Variants in USP32 observed in about 807,000 individuals in gnomAD.
USP32 encodes the protein ubiquitin specific peptidase 32.
A neutral mutation model predicts 204.8 loss-of-function variants in USP32; 59 were observed. The observed-to-expected ratio is 0.29, with a 90% CI of 0.23 to 0.36. The LOEUF (loss-of-function observed/expected upper bound fraction) is 0.36. Ranked by LOEUF, USP32 falls within the 10% of genes least tolerant of loss-of-function variation. The pLI, the probability that USP32 is intolerant of heterozygous loss-of-function variation, is 1.00. For missense variants in USP32, 1,160 were observed against 1,946.4 expected (o/e 0.60, Z 7.60); for synonymous variants, 517 against 678.4 (o/e 0.76, Z 3.70).
chr17:60,407,927 G>A (rs140902555), intron 1 of USP32, among the ~76,000 whole-genome samples: 2,060 of 151,778 alleles, frequency 0.014, 40 homozygotes, highest in African/African-American at 0.046. Context: ...GTGAAACCTC[G>A]TCTCTACTAA....
intron 1 of USP32, among the ~76,000 whole-genome samples, chr17:60,374,786 T>C (rs1463037318): frequency 6.6e-6 from 1 of 152,222 alleles, no homozygotes; most frequent in Non-Finnish European, 1.5e-5. Flanking sequence ...ATGGCTACGA[T>C]GTCACTAGGC....
At chr17:60,369,010 T>TTTTTTTTTTTTTTTTTTC (rs2089378776) in intron 1 of USP32, among the ~76,000 whole-genome samples, 1 of 135,844 alleles carries the variant, frequency 7.4e-6, no homozygotes, top group African/African-American at 3.5e-5. Context: ...TTTTTTTTTT[T>TTTTTTTTTTTTTTTTTTC]TTGAGACGGA....
At chr17:60,422,387 G>C in exon 1 of USP32, 2 of 1,326,454 alleles carry the variant, frequency 1.5e-6, no homozygotes, top group Non-Finnish European at 2.0e-6. Context: ...CCAGCTGGAG[G>C]GGCCAGCTGC....
rs570418051 is a variant in USP32, at chr17:60,229,980, AT to A, written c.1240-3750del. ...AGGCACGCACCACTGCGCCTGGCTA[AT>A]TTTTGTATTTCTGGTGGAGACAGGG... On this transcript the variant is annotated intron_variant, in intron 12 of 33. Transcript: ENST00000300896. Among the ~76,000 whole-genome samples the A allele has an allele frequency of 2.0e-3, 310 of 152,096 alleles. 1 individual carries two copies. Among genetic ancestry groups the A allele is most frequent in the African/African-American group, 7.0e-3 (291 of 41,484 alleles).
chr17:60,389,079 C>T (rs992680884), intron 1 of USP32, among the ~76,000 whole-genome samples: 1 of 152,154 alleles, frequency 6.6e-6, no homozygotes, highest in African/African-American at 2.4e-5. Flanking sequence ...TTTTGTCAAG[C>T]TTGTTTTGCA....
At position 60,392,091 on chromosome 17, in the gene USP32, C is replaced by A. The variant is rs1339387503; in HGVS notation, c.-152G>T. On this transcript the variant is annotated 5_prime_UTR_variant, in exon 1 of 34. Coordinates refer to ENST00000300896, the MANE Select transcript of USP32 (RefSeq NM_032582.4). The stretch of plus-strand genomic sequence containing the variant: ...CTAACAAGTGCGGCTTCTGCCCCGG[C>A]GGCTCCTCCCGGTCGCCGCCACCGC... 2.4e-5 allele frequency: 19 copies of A among 792,558 alleles called. No homozygotes were observed. Among genetic ancestry groups the A allele is most frequent in the Non-Finnish European group, 3.6e-5 (19 of 524,748 alleles). 49.1% of individuals were successfully genotyped at this position (792,558 alleles called of 1,614,324 possible). A position where few individuals can be genotyped will look rare whatever the true frequency, so the allele number is the denominator to read the frequency against.
In USP32 at chr17:60,211,036, T is replaced by G; in HGVS notation, c.2401A>C (p.Asn801His). 1.2e-6 allele frequency: 2 copies of G among 1,611,324 alleles called. No individual in the cohort carries two copies. Among genetic ancestry groups the G allele is most frequent in the East Asian group, 2.2e-5 (1 of 44,852 alleles). Residue 801 changes from asparagine (N) to histidine (H), a missense_variant, in exon 21 of 34, where the codon AAT becomes CAT. Physicochemically the swap from Asn to His is moderately conservative, Grantham distance 68. Transcript: ENST00000300896. ...VQELWSGTQK[N>H]VAPLKLRWTI... ...ACCCGAAGCTTTAATGGGGCAACAT[T>G]CTTCTGAGTTCCACTCCAAAGTTCC... is the stretch of plus-strand genomic sequence containing the variant.
At chr17:60,291,932 TC>T (rs2087288550) in intron 4 of USP32, among the ~76,000 whole-genome samples, 1 of 151,680 alleles carries the variant, frequency 6.6e-6, no homozygotes, top group African/African-American at 2.4e-5. Flanking sequence ...ATTTAAGCAT[TC>T]CACTCTTCCT....
chr17:60,198,312 G>A lies in USP32; in HGVS notation c.3382C>T (p.Arg1128Trp). Reference protein sequence around the residue: ...LYDAVWIQVSRLASPLPPQEA... With the variant: ...LYDAVWIQVSWLASPLPPQEA... ...TGAGGTGGGAGTGGGCTCGCTAACC[G>A]GGATACTTGAATCCAAACCGCATCA... The change falls in exon 27 of 34, where the codon CGG (arginine) becomes TGG (tryptophan). Residue 1128 changes from arginine (R) to tryptophan (W), a missense_variant. Around this residue, in one of 8 missense-constraint regions of USP32, gnomAD observed 160 missense variants for 322.5 expected, o/e 0.50. Coordinates refer to ENST00000300896, the MANE Select transcript of USP32 (RefSeq NM_032582.4). The A allele has an allele frequency of 6.2e-7, 1 of 1,614,094 alleles. No individual in the cohort carries two copies. The highest frequency in any genetic ancestry group is 8.5e-7 in the Non-Finnish European group (1 of 1,180,008).
At chr17:60,345,155 A>T (rs1373730392) in intron 2 of USP32, among the ~76,000 whole-genome samples, 1 of 152,194 alleles carries the variant, frequency 6.6e-6, no homozygotes, top group African/African-American at 2.4e-5. Flanking sequence ...TTTATAAAAC[A>T]TATTTGCAAC....
intron 1 of USP32, among the ~76,000 whole-genome samples, chr17:60,371,704 A>T (rs1490316386): frequency 6.6e-6 from 1 of 152,202 alleles, no homozygotes; most frequent in East Asian, 1.9e-4. Context: ...CAGGATGGCT[A>T]AACTGAAAGA....
At chr17:60,399,141 A>G (rs1052232474) in intron 1 of USP32, among the ~76,000 whole-genome samples, 14 of 152,278 alleles carry the variant, frequency 9.2e-5, no homozygotes, top group African/African-American at 3.4e-4. Flanking sequence ...GAAAGCAGAC[A>G]TTCATTTACT....
intron 29 of USP32, 147 bp downstream of exon 29, chr17:60,190,416 T>C (rs1223335372): frequency 5.3e-6 from 6 of 1,137,094 alleles, no homozygotes; most frequent in African/African-American, 4.9e-5. Flanking sequence ...CAAGCAAACA[T>C]GTCAATATAT....
intron 1 of USP32, among the ~76,000 whole-genome samples, chr17:60,383,609 C>T (rs962547150): frequency 2.0e-5 from 3 of 152,188 alleles, no homozygotes; most frequent in East Asian, 1.9e-4. Flanking sequence ...TAAAGGAAGG[C>T]GTCCTTGAGG....
At chr17:60,189,742 T>C (rs1193438982) in intron 29 of USP32, among the ~76,000 whole-genome samples, 2 of 152,168 alleles carry the variant, frequency 1.3e-5, no homozygotes, top group Non-Finnish European at 2.9e-5. Context: ...TTCAATCCTT[T>C]CTGTAACTTT....
Position 60,416,959 on chromosome 17 carries a change from G to A in USP32, c.106+5287C>T, listed in dbSNP as rs553047496. Among the ~76,000 whole-genome samples the A allele has an allele frequency of 7.5e-5, 11 of 146,358 alleles. No individual in the cohort carries two copies. The East Asian group carries it at 2.0e-3, about 26-fold the overall frequency. ...TTGAGACAGAGTCTCAATCTGTCAC[G>A]CAGGTTGGAGTACAGTGGTGTGATC... On this transcript the variant is annotated intron_variant, in intron 1 of 3. Coordinates refer to the USP32 transcript ENST00000588898.
At chr17:60,300,651 A>G (rs2087551781) in intron 3 of USP32, among the ~76,000 whole-genome samples, 1 of 152,268 alleles carries the variant, frequency 6.6e-6, no homozygotes, top group South Asian at 2.1e-4. Flanking sequence ...TACTATGTCT[A>G]TGTCATCAGA....
intron 13 of USP32, among the ~76,000 whole-genome samples, chr17:60,225,261 T>C (rs1433015649): frequency 2.0e-5 from 3 of 152,020 alleles, no homozygotes; most frequent in Non-Finnish European, 4.4e-5. Flanking sequence ...GAGACCAGCC[T>C]GGGCAACATG....
intron 15 of USP32, among the ~76,000 whole-genome samples, chr17:60,221,485 T>G (rs1598089708): frequency 6.6e-6 from 1 of 152,056 alleles, no homozygotes; most frequent in African/African-American, 2.4e-5. Flanking sequence ...GCTTGGACAT[T>G]ATAAAAGGAA....
Sources: allele counts gnomAD v4.1 joint callset (sites outside exome capture counted in the v4.1 genomes callset), GRCh38; gene constraint gnomAD v4.1.1; regional missense constraint gnomAD v4.1.1; transcripts MANE v1.5; gene names NCBI Gene and HGNC (gene_info 2026-07-23, HGNC 2026-07-21).